Variants in PDZD2 observed in about 807,000 individuals in gnomAD.
PDZD2 encodes the protein PDZ domain containing 2.
PDZD2 carries 90 observed loss-of-function variants against 220.7 expected under a neutral mutation model. The observed-to-expected ratio is 0.41, with a 90% CI of 0.34 to 0.49. The LOEUF (loss-of-function observed/expected upper bound fraction) is 0.49. Among genes scored for constraint, PDZD2 ranks in the 20% least tolerant of loss-of-function variants. PDZD2 has a pLI of 0.28. For synonymous variants in PDZD2, 1,375 were observed against 1,450.5 expected, an observed-to-expected ratio of 0.95 and a Z score of 1.18; for missense variants, 3,174 against 3,608.5, an observed-to-expected ratio of 0.88 and a Z score of 3.08.
At chr5:32,039,195 C>A (rs1418997482) in intron 7 of PDZD2, among the ~76,000 whole-genome samples, 2 of 149,820 alleles carry the variant, frequency 1.3e-5, no homozygotes, top group Middle Eastern at 3.4e-3. Flanking sequence ...AACCTCCCTG[C>A]CTCAGGCTCC....
chr5:31,707,727 A>G (rs114475409), intron 1 of PDZD2, among the ~76,000 whole-genome samples: 13 of 152,138 alleles, frequency 8.5e-5, no homozygotes, highest in African/African-American at 3.1e-4. Flanking sequence ...CCTGTGTTCA[A>G]GTGATCCTCC....
rs556899324 is a variant in PDZD2 at position 31,807,417 on chromosome 5, A to C, written c.476+7693A>C. 4.6e-5 allele frequency among the ~76,000 whole-genome samples: 7 copies of C among 152,232 alleles called. No individual in the cohort carries two copies. In the South Asian group the frequency reaches 1.5e-3, roughly 32 times the overall value. On this transcript the variant is annotated intron_variant, in intron 2 of 24. Coordinates refer to ENST00000438447, the MANE Select transcript of PDZD2 (RefSeq NM_178140.4). ...TGAGTGGATGACAGATGATTTACCT[A>C]ATGTACTGAATACAGCATCTGGCAC... is the stretch of plus-strand genomic sequence containing the variant.
rs947363571 is a variant in PDZD2, at chr5:32,045,477, G to A, written c.1520-3062G>A. ...TGCTCTGTTGCCCAGGCTGGAGTGC[G>A]GTGGCGTGATCTCAACTCACTGCAA... On this transcript the variant is annotated intron_variant, in intron 7 of 24. Transcript: ENST00000438447. 4.7e-5 allele frequency among the ~76,000 whole-genome samples: 7 copies of A among 150,030 alleles called. No homozygotes were observed. In the South Asian group the frequency reaches 1.1e-3, roughly 23 times the overall value.
Position 32,000,050 on chromosome 5 carries a change from C to T in PDZD2, c.1122-89C>T. On this transcript the variant is annotated intron_variant, in intron 4 of 24. Transcript: ENST00000438447. This position sits in a 1 kb window ranked among gnomAD's most constrained non-coding sequence, Gnocchi z 4.5. ...TTTAGCCCAATCTTAACCGTCCCTC[C>T]TCACAACCCTCCCTAGCTCCAGAAA... 8.3e-7 allele frequency: 1 copy of T among 1,210,764 alleles called. No individual in the cohort carries two copies. Among genetic ancestry groups the T allele is most frequent in the Non-Finnish European group, 1.2e-6 (1 of 839,114 alleles). 75.0% of individuals were successfully genotyped at this position (1,210,764 alleles called of 1,614,324 possible).
intron 1 of PDZD2, among the ~76,000 whole-genome samples, chr5:31,733,028 C>T (rs976588665): frequency 7.9e-5 from 12 of 152,282 alleles, no homozygotes; most frequent in African/African-American, 2.6e-4. Context: ...CGCGCCCGGC[C>T]GGGAGCAGCT....
chr5:31,642,240 A>G (rs1744976699), intron 1 of PDZD2, among the ~76,000 whole-genome samples: 1 of 152,198 alleles, frequency 6.6e-6, no homozygotes, highest in Non-Finnish European at 1.5e-5. Flanking sequence ...TTAGAGACTC[A>G]AGTTTTCAGC....
intron 1 of PDZD2, among the ~76,000 whole-genome samples, chr5:31,693,643 T>C (rs1747241960): frequency 6.6e-6 from 1 of 152,192 alleles, no homozygotes; most frequent in African/African-American, 2.4e-5. Flanking sequence ...CCAAAGTGTC[T>C]GTGTGCACTC....
intron 21 of PDZD2, among the ~76,000 whole-genome samples, chr5:32,096,232 C>T (rs1743678437): frequency 2.6e-5 from 4 of 152,106 alleles, no homozygotes; most frequent in Admixed American, 2.6e-4. Context: ...CGTGTGTGAG[C>T]ATACATATGG....
chr5:32,098,887 T>C lies in PDZD2; in HGVS notation c.8218+253T>C, dbSNP rs975276537. Among the ~76,000 whole-genome samples, 4 of 152,112 alleles carry C rather than the reference T, an allele frequency of 2.6e-5. No individual in the cohort carries two copies. Among genetic ancestry groups the C allele is most frequent in the Non-Finnish European group, 5.9e-5 (4 of 68,012 alleles). ...AAGATTTAAAATGACTGCAGAACAGTTTCCCTAAGTGTCCTAAGAAGGAAT... is the reference window on the plus strand; with the variant it reads ...AAGATTTAAAATGACTGCAGAACAGCTTCCCTAAGTGTCCTAAGAAGGAAT... On this transcript the variant is annotated intron_variant, in intron 23 of 24. Transcript: ENST00000438447. This position sits in a 1 kb window ranked among gnomAD's most constrained non-coding sequence, Gnocchi z 4.1.
rs548234588 is a variant in PDZD2 at position 32,081,326 on chromosome 5, C to T, written c.3682+3720C>T. Among the ~76,000 whole-genome samples, 34 of 152,282 alleles carry T rather than the reference C, an allele frequency of 2.2e-4. No homozygotes were observed. In the South Asian group the frequency reaches 6.4e-3, roughly 29 times the overall value. The stretch of plus-strand genomic sequence containing the variant: ...TGCAGCTATGTGTCCCTTACACCCA[C>T]TGAGCAGCCAGGAATGCTAGACCAG... On this transcript the variant is annotated intron_variant, in intron 19 of 24. Transcript: ENST00000438447.
intron 6 of PDZD2, among the ~76,000 whole-genome samples, chr5:32,012,825 A>G (rs750766237): frequency 6.6e-6 from 1 of 151,768 alleles, no homozygotes; most frequent in Non-Finnish European, 1.5e-5. Context: ...TACATGTTAT[A>G]TAATGTATTT....
chr5:31,902,706 T>A (rs957195344), intron 2 of PDZD2, among the ~76,000 whole-genome samples: 2 of 150,496 alleles, frequency 1.3e-5, no homozygotes, highest in African/African-American at 4.9e-5. Context: ...CTAAAAAAAA[T>A]AAATACAAAA....
intron 2 of PDZD2, among the ~76,000 whole-genome samples, chr5:31,816,276 A>G (rs1755450130): frequency 6.7e-6 from 1 of 148,668 alleles, no homozygotes; most frequent in South Asian, 2.1e-4. Flanking sequence ...CGACAGAGCG[A>G]GACTCCATCT....
At chr5:32,091,331 C>T (rs897890669) in intron 20 of PDZD2, among the ~76,000 whole-genome samples, 156 bp downstream of exon 20, 1 of 136,888 alleles carries the variant, frequency 7.3e-6, no homozygotes, top group Non-Finnish European at 1.5e-5. Flanking sequence ...GTCGCCCAGG[C>T]TGGAGTGCAA....
chr5:31,944,088 G>T (rs1746434825), intron 2 of PDZD2, among the ~76,000 whole-genome samples: 2 of 152,162 alleles, frequency 1.3e-5, no homozygotes, highest in Non-Finnish European at 1.5e-5. Context: ...AGCACATGCA[G>T]GTTACTACAT....
chr5:31,895,973 G>A (rs979753096), intron 2 of PDZD2, among the ~76,000 whole-genome samples: 3 of 152,094 alleles, frequency 2.0e-5, no homozygotes, highest in Non-Finnish European at 4.4e-5. Flanking sequence ...AACCCCCCCA[G>A]CCACACTATG....
chr5:31,906,695 TAG>T (rs1188127185), intron 2 of PDZD2, among the ~76,000 whole-genome samples: 17 of 151,920 alleles, frequency 1.1e-4, no homozygotes, highest in African/African-American at 4.1e-4. Flanking sequence ...ATACAAAAAT[TAG>T]CCGGGCATGG....
intron 7 of PDZD2, among the ~76,000 whole-genome samples, chr5:32,045,762 C>A (rs1356998455): frequency 1.3e-5 from 2 of 151,654 alleles, no homozygotes; most frequent in Admixed American, 1.3e-4. Context: ...GTCTTGATTG[C>A]AAATCAATTT....
intron 8 of PDZD2, among the ~76,000 whole-genome samples, chr5:32,049,392 G>A (rs963971081): frequency 5.3e-5 from 8 of 152,314 alleles, no homozygotes; most frequent in African/African-American, 1.9e-4. Flanking sequence ...GGAACCGTTA[G>A]CAGCTTGTCC....
Sources: gnomAD v4.1 joint callset for allele counts (sites outside exome capture counted in the v4.1 genomes callset) on GRCh38, gnomAD v4.1.1 for gene constraint, Gnocchi (gnomAD v3.1) non-coding constraint, MANE v1.5 for transcripts, NCBI Gene and HGNC (gene_info 2026-07-23, HGNC 2026-07-21) for gene names.